DPP6: variants seen among roughly 807,000 people sequenced by gnomAD.
DPP6 encodes A-type potassium channel modulatory protein DPP6.
DPP6 carries 69 observed loss-of-function variants against 122.6 expected under a neutral mutation model. That is an observed-to-expected ratio of 0.56 (90% CI 0.46 to 0.69). The LOEUF (loss-of-function observed/expected upper bound fraction) is 0.69, where lower values mean the gene tolerates loss of function less well. DPP6 is among the 30% of genes least tolerant of loss of function. DPP6 has a pLI of 0.00. For synonymous variants in DPP6, 418 were observed against 433.1 expected, an observed-to-expected ratio of 0.97 and a Z score of 0.43; for missense variants, 928 against 1,116.9, an observed-to-expected ratio of 0.83 and a Z score of 2.41.
rs1348699620 is a variant in DPP6 at position 154,282,706 on chromosome 7, A to G, written c.244-163508A>G. 2.0e-5 allele frequency among the ~76,000 whole-genome samples: 3 copies of G among 152,256 alleles called. No individual in the cohort carries two copies. Among genetic ancestry groups the G allele is most frequent in the South Asian group, 2.1e-4 (1 of 4,838 alleles). On this transcript the variant is annotated intron_variant, in intron 1 of 25. Transcript: ENST00000377770. The surrounding 1 kb of genome is among the most constrained non-coding windows in gnomAD (Gnocchi z 4.8). The stretch of plus-strand genomic sequence containing the variant: ...GTTTGTTTATACTAGTTAGGCATCA[A>G]AAAGACCATTGTTCTCCCAGACTTT...
rs866310598 is a variant in DPP6 at position 154,052,486 on chromosome 7, A to G, written c.-335A>G. 1.9e-4 allele frequency: 72 copies of G among 387,440 alleles called. No individual in the cohort carries two copies. The highest frequency in any genetic ancestry group is 3.8e-4 in the African/African-American group (17 of 45,302). The allele number at this position is 387,440 out of a possible 1,614,324, so 24.0% of individuals were successfully genotyped here. The stretch of plus-strand genomic sequence containing the variant: ...GTTTTTGGTTTTTTTTCTTCCTTCA[A>G]TCTCTTTGATTAGGCCGTACGTGGC... On this transcript the variant is annotated 5_prime_UTR_variant, in exon 1 of 26. Coordinates refer to ENST00000377770, the MANE Select transcript of DPP6 (RefSeq NM_130797.4). This position sits in a 1 kb window ranked among gnomAD's most constrained non-coding sequence, Gnocchi z 4.8.
At chr7:154,687,944 T>C (rs540048949) in intron 7 of DPP6, among the ~76,000 whole-genome samples, 45 of 152,332 alleles carry the variant, frequency 3.0e-4, no homozygotes, top group African/African-American at 1.0e-3. Context: ...TCCTTACTGA[T>C]CTTTGGAGCC....
the DPP6 span, among the ~76,000 whole-genome samples, chr7:153,830,023 T>C: frequency 6.6e-6 from 1 of 152,230 alleles, no homozygotes; most frequent in Non-Finnish European, 1.5e-5. Context: ...GGAATTGTAT[T>C]TTGAAACTTG....
upstream of DPP6, among the ~76,000 whole-genome samples, chr7:154,050,276 T>TAC: frequency 6.6e-6 from 1 of 152,350 alleles, no homozygotes; most frequent in South Asian, 2.1e-4. Flanking sequence ...TACAGTTACC[T>TAC]ACAATGCCTT....
chr7:154,841,593 CT>C (rs377260226), intron 16 of DPP6, among the ~76,000 whole-genome samples: 3 of 151,066 alleles, frequency 2.0e-5, no homozygotes, highest in Non-Finnish European at 4.4e-5. Context: ...CTCTTTTCTT[CT>C]TTTTTTTATG....
At chr7:154,844,414 G>C (rs2150558855) in intron 16 of DPP6, among the ~76,000 whole-genome samples, 1 of 152,274 alleles carries the variant, frequency 6.6e-6, no homozygotes, top group African/African-American at 2.4e-5. Context: ...AGAAATCTTA[G>C]GTAAATGCTA....
chr7:154,308,062 T>C (rs1806519291), intron 1 of DPP6, among the ~76,000 whole-genome samples: 1 of 152,110 alleles, frequency 6.6e-6, no homozygotes, highest in Non-Finnish European at 1.5e-5. Context: ...TGGGATTGAA[T>C]GGAGCCTGAT....
chr7:154,391,529 C>T (rs545327477), intron 1 of DPP6, among the ~76,000 whole-genome samples: 1 of 152,320 alleles, frequency 6.6e-6, no homozygotes, highest in African/African-American at 2.4e-5. Flanking sequence ...ACCTATTTCT[C>T]CTTAATTCAG....
intron 16 of DPP6, among the ~76,000 whole-genome samples, chr7:154,840,890 C>T (rs1801473291): frequency 6.6e-6 from 1 of 152,288 alleles, no homozygotes; most frequent in East Asian, 1.9e-4. Flanking sequence ...GTGCACCACC[C>T]GCGAGTTATC....
intron 1 of DPP6, among the ~76,000 whole-genome samples, chr7:154,063,637 C>G (rs1344978996): frequency 1.5e-5 from 2 of 136,694 alleles, no homozygotes; most frequent in African/African-American, 5.6e-5. Context: ...GGACTGAGAG[C>G]CACTCCCTCT....
intron 3 of DPP6, among the ~76,000 whole-genome samples, chr7:154,516,496 A>AT (rs1222701533): frequency 1.3e-5 from 2 of 152,190 alleles, no homozygotes; most frequent in Non-Finnish European, 2.9e-5. Flanking sequence ...ACGTATAATC[A>AT]TGAAAGACAT....
At chr7:154,800,026 A>T (rs1307543299) in intron 12 of DPP6, among the ~76,000 whole-genome samples, 1 of 152,210 alleles carries the variant, frequency 6.6e-6, no homozygotes, top group Non-Finnish European at 1.5e-5. Flanking sequence ...ATTTATTTAG[A>T]GTATCTTTGT....
chr7:154,432,429 G>A (rs1818502182), intron 1 of DPP6, among the ~76,000 whole-genome samples: 1 of 152,146 alleles, frequency 6.6e-6, no homozygotes, highest in Non-Finnish European at 1.5e-5. Context: ...CTTGATACAT[G>A]TCTGAACATT....
chr7:154,063,704 T>C (rs35575685), intron 1 of DPP6, among the ~76,000 whole-genome samples: 29,353 of 127,118 alleles, frequency 0.23, 4,182 homozygotes, highest in Middle Eastern at 0.37. Flanking sequence ...TCCCGTGAGG[T>C]GGGGACTGAG....
At chr7:154,063,289 G>C (rs191637792) in intron 1 of DPP6, among the ~76,000 whole-genome samples, 1,179 of 83,848 alleles carry the variant, frequency 0.014, 197 homozygotes, top group Middle Eastern at 0.066. Flanking sequence ...AGGGGGGAGG[G>C]ACCCCCCATG....
chr7:153,868,204 T>G, the DPP6 span, among the ~76,000 whole-genome samples: 4 of 152,134 alleles, frequency 2.6e-5, no homozygotes, highest in African/African-American at 4.8e-5. Context: ...TTCTATTGAT[T>G]GGAATAGTTT....
chr7:154,051,733 C>T (rs1340057789), upstream of DPP6, among the ~76,000 whole-genome samples: 5 of 150,758 alleles, frequency 3.3e-5, no homozygotes, highest in Non-Finnish European at 7.4e-5. Context: ...CGGGGCGCAT[C>T]GCCCGCGAGG....
intron 5 of DPP6, among the ~76,000 whole-genome samples, chr7:154,586,900 C>T (rs1391106260): frequency 6.6e-6 from 1 of 152,236 alleles, no homozygotes; most frequent in African/African-American, 2.4e-5. Flanking sequence ...CTGTGAGCCC[C>T]TCATGAGCAG....
chr7:154,779,032 C>T (rs1194316921), intron 10 of DPP6, among the ~76,000 whole-genome samples: 6 of 151,870 alleles, frequency 4.0e-5, no homozygotes, highest in Admixed American at 6.6e-5. Context: ...TCACCTCCAC[C>T]ACCACCACCA....
Sources: allele counts gnomAD v4.1 joint callset (sites outside exome capture counted in the v4.1 genomes callset), GRCh38; gene constraint gnomAD v4.1.1; non-coding constraint Gnocchi (gnomAD v3.1); transcripts MANE v1.5; gene names NCBI Gene and HGNC (gene_info 2026-07-23, HGNC 2026-07-21).